Variants in TMPO observed in about 807,000 individuals in gnomAD.
TMPO encodes thymopoietin.
A neutral mutation model predicts 45.4 loss-of-function variants in TMPO; 22 were observed. The ratio of observed to expected loss-of-function variants is 0.48; its 90% CI spans 0.35 to 0.69. TMPO has a LOEUF of 0.69. Ranked by LOEUF, TMPO falls within the 30% of genes least tolerant of loss-of-function variation. The probability of loss-of-function intolerance (pLI) is 0.01; values close to 1 mark genes in which losing one functional copy is unlikely to be tolerated. For missense variants in TMPO, 512 were observed against 548.8 expected, an observed-to-expected ratio of 0.93 and a Z score of 0.67; for synonymous variants, 241 against 204.1, an observed-to-expected ratio of 1.18 and a Z score of -1.54.
intron 2 of TMPO, among the ~76,000 whole-genome samples, chr12:98,529,721 G>T (rs2121184134): frequency 6.6e-6 from 1 of 152,042 alleles, no homozygotes; most frequent in East Asian, 1.9e-4. Flanking sequence ...ACCATTCCCG[G>T]CTAATTTTTG....
Position 98,547,879 on chromosome 12 carries a change from T to G in TMPO, c.*21T>G. On this transcript the variant is annotated 3_prime_UTR_variant, in exon 9 of 9. Transcript: ENST00000556029. ...ACTGAATGGTATCTCTTTGGCACGTTCAACTTGGTCTCCTATTTTCAATAA... is the reference window on the plus strand; with the variant it reads ...ACTGAATGGTATCTCTTTGGCACGTGCAACTTGGTCTCCTATTTTCAATAA... The G allele has an allele frequency of 1.2e-6, 2 of 1,612,744 alleles. No individual in the cohort carries two copies. The highest frequency in any genetic ancestry group is 1.7e-6 in the Non-Finnish European group (2 of 1,179,466).
chr12:98,520,310 T>TTCCTGCCTTCC (rs755914522), intron 1 of TMPO, among the ~76,000 whole-genome samples: 62 of 99,570 alleles, frequency 6.2e-4, no homozygotes, highest in African/African-American at 2.2e-3. Context: ...TCCTTCCTTC[T>TTCCTGCCTTCC]GTGTGTGTGA....
intron 1 of TMPO, among the ~76,000 whole-genome samples, chr12:98,525,672 C>T (rs1327464854): frequency 1.4e-5 from 2 of 147,910 alleles, no homozygotes; most frequent in Admixed American, 6.9e-5. Flanking sequence ...ACCTTGGATG[C>T]AGAGGTTGCA....
chr12:98,524,069 A>C (rs1876580271), intron 1 of TMPO, among the ~76,000 whole-genome samples: 1 of 152,222 alleles, frequency 6.6e-6, no homozygotes, highest in Non-Finnish European at 1.5e-5. Flanking sequence ...GATTTGACAA[A>C]ACATTTATCA....
chr12:98,517,846 G>A (rs1875989907), intron 1 of TMPO, among the ~76,000 whole-genome samples: 1 of 152,232 alleles, frequency 6.6e-6, no homozygotes, highest in African/African-American at 2.4e-5. Flanking sequence ...TGAAAAAGAA[G>A]GTAGTATTTA....
At chr12:98,523,010 G>A (rs11109512) in intron 1 of TMPO, among the ~76,000 whole-genome samples, 52,793 of 152,036 alleles carry the variant, frequency 0.35, 9,419 homozygotes, top group Non-Finnish European at 0.38. Context: ...GTTGGGTTTT[G>A]AAGTTGAAAA....
At chr12:98,521,100 ATTTT>A (rs398044704) in intron 1 of TMPO, among the ~76,000 whole-genome samples, 8,504 of 76,388 alleles carry the variant, frequency 0.11, 241 homozygotes, top group East Asian at 0.25. Context: ...TTTATGAGGA[ATTTT>A]TTTTTTTTTT....
chr12:98,544,059 C>T lies in TMPO; in HGVS notation c.664-171C>T. 4.4e-6 allele frequency: 3 copies of T among 684,316 alleles called. No individual in the cohort carries two copies. The Admixed American group carries it at 7.4e-5, about 17-fold the overall frequency. 42.4% of individuals were successfully genotyped at this position (684,316 alleles called of 1,614,324 possible). A position where few individuals can be genotyped will look rare whatever the true frequency, so the allele number is the denominator to read the frequency against. On this transcript the variant is annotated intron_variant, in intron 4 of 8. Coordinates refer to ENST00000556029, the MANE Select transcript of TMPO (RefSeq NM_001032283.3). The stretch of plus-strand genomic sequence containing the variant: ...GCACTTTTTAAGTGTTTCCTGATGC[C>T]TAAATATCAGTTCAATTAATACATT...
At position 98,549,265 on chromosome 12, in the gene TMPO, C is replaced by T. The variant is rs1474313078; in HGVS notation, c.*1407C>T. On this transcript the variant is annotated 3_prime_UTR_variant, in exon 9 of 9. Transcript: ENST00000556029. ...ATGAGATGGAGTCTCACTCTTGTCA[C>T]CCAGACTGTAGTGCAGTGGCACGAT... is the stretch of plus-strand genomic sequence containing the variant. 1 of 152,074 alleles carries T rather than the reference C, an allele frequency of 6.6e-6. No homozygotes were observed. Among genetic ancestry groups the T allele is most frequent in the African/African-American group, 2.4e-5 (1 of 41,400 alleles). 9.4% of individuals were successfully genotyped at this position (152,074 alleles called of 1,614,324 possible).
intron 2 of TMPO, among the ~76,000 whole-genome samples, chr12:98,528,831 A>T (rs1032679957): frequency 6.6e-6 from 1 of 151,968 alleles, no homozygotes; most frequent in African/African-American, 2.4e-5. Context: ...TGGTGTCACA[A>T]ATCTATTGTC....
intron 8 of TMPO, among the ~76,000 whole-genome samples, chr12:98,546,875 T>G (rs910116912): frequency 6.6e-6 from 1 of 151,948 alleles, no homozygotes; most frequent in Non-Finnish European, 1.5e-5. Flanking sequence ...TGAGAAATAG[T>G]TTTTCCCCCC....
At chr12:98,528,761 A>C (rs7961024) in intron 2 of TMPO, among the ~76,000 whole-genome samples, 85,478 of 151,898 alleles carry the variant, frequency 0.56, 24,350 homozygotes, top group African/African-American at 0.63. Context: ...GAGTTGAAGA[A>C]CAGCATGAGC....
At chr12:98,537,373 C>G (rs1463384875) in intron 3 of TMPO, 102 bp from the exon 4 acceptor site, 1 of 952,064 alleles carries the variant, frequency 1.1e-6, no homozygotes, top group Non-Finnish European at 1.6e-6. Flanking sequence ...TGTTTTTCAC[C>G]TTTTAATGTG....
intron 4 of TMPO, among the ~76,000 whole-genome samples, chr12:98,541,930 A>T (rs1877936150): frequency 6.6e-6 from 1 of 152,226 alleles, no homozygotes; most frequent in Non-Finnish European, 1.5e-5. Flanking sequence ...AAACCTAGAG[A>T]TCACTCCATA....
intron 3 of TMPO, among the ~76,000 whole-genome samples, chr12:98,536,673 C>CTT (rs1454440314): frequency 5.3e-5 from 8 of 152,102 alleles, no homozygotes; most frequent in Non-Finnish European, 1.0e-4. Context: ...TAAAATCAGT[C>CTT]TTTTCAAAAC....
In TMPO at chr12:98,533,304, T is replaced by A. The variant is rs752403367; in HGVS notation, c.565+1466T>A. On this transcript the variant is annotated intron_variant, in intron 3 of 8. Coordinates refer to ENST00000556029, the MANE Select transcript of TMPO (RefSeq NM_001032283.3). ...GTCCTGAGAGGTCCCATATTTCAGA[T>A]CAATCGCCTCTCTCCAGTAAAAGGA... 5 of 1,614,080 alleles carry A rather than the reference T, an allele frequency of 3.1e-6. No homozygotes were observed. In the South Asian group the frequency reaches 5.5e-5, roughly 18 times the overall value.
At chr12:98,520,876 G>A (rs1298834384) in intron 1 of TMPO, among the ~76,000 whole-genome samples, 1 of 151,972 alleles carries the variant, frequency 6.6e-6, no homozygotes, top group Non-Finnish European at 1.5e-5. Flanking sequence ...CCGGCCTCCA[G>A]GTCATATTTC....
chr12:98,544,220 G>A lies in TMPO; in HGVS notation c.664-10G>A. 1.2e-6 allele frequency: 2 copies of A among 1,613,396 alleles called. No homozygotes were observed. Among genetic ancestry groups the A allele is most frequent in the Non-Finnish European group, 1.7e-6 (2 of 1,179,650 alleles). On this transcript the variant is annotated splice_polypyrimidine_tract_variant and intron_variant, in intron 4 of 8. Transcript: ENST00000556029. ...GAATATGACTTTTTAATGTGTTGAT[G>A]CTTGAATAGAGCTATTCTCAAGCTG...
intron 3 of TMPO, among the ~76,000 whole-genome samples, chr12:98,536,150 G>T (rs1286147544): frequency 6.6e-6 from 1 of 152,110 alleles, no homozygotes; most frequent in African/African-American, 2.4e-5. Flanking sequence ...GTACTAACTA[G>T]TATTAACACT....
Sources: allele counts gnomAD v4.1 joint callset (sites outside exome capture counted in the v4.1 genomes callset), GRCh38; gene constraint gnomAD v4.1.1; transcripts MANE v1.5; gene names NCBI Gene and HGNC (gene_info 2026-07-23, HGNC 2026-07-21).